RASGRF2: variants seen among roughly 807,000 people sequenced by gnomAD.
RASGRF2 encodes the protein Ras protein specific guanine nucleotide releasing factor 2.
Under a neutral mutation model 151.0 loss-of-function variants are expected in RASGRF2, and 76 were observed. The observed-to-expected ratio is 0.50, with a 90% CI of 0.42 to 0.61. The LOEUF is 0.61. RASGRF2 is among the 20% of genes least tolerant of loss of function. The pLI is 0.00. For synonymous variants in RASGRF2, 504 were observed against 566.5 expected (o/e 0.89, Z 1.57); for missense variants, 1,148 against 1,564.6 (o/e 0.73, Z 4.49).
chr5:81,180,540 A>G (rs968773280), intron 18 of RASGRF2, among the ~76,000 whole-genome samples: 2 of 152,036 alleles, frequency 1.3e-5, no homozygotes, highest in African/African-American at 4.8e-5. Flanking sequence ...TTCTGAGGAA[A>G]CAGCACTCAC....
intron 1 of RASGRF2, chr5:80,998,055 TG>T (rs1748952395): frequency 6.6e-6 from 1 of 151,252 alleles, no homozygotes; most frequent in Non-Finnish European, 1.5e-5. Flanking sequence ...GGAAGATGAG[TG>T]ACATTAGGAA....
chr5:81,077,930 A>G (rs192341556), intron 5 of RASGRF2, among the ~76,000 whole-genome samples: 1 of 152,312 alleles, frequency 6.6e-6, no homozygotes, highest in Non-Finnish European at 1.5e-5. Flanking sequence ...CAGGTTTATC[A>G]TATTGTTTAA....
In RASGRF2 at chr5:81,087,326, A is replaced by G. The variant is rs892910064; in HGVS notation, c.1390+373A>G. ...GCCCAGGAGAAACTTGCGTTGCTCA[A>G]AGCCCTTTCACATAAGACTGGGGAC... On this transcript the variant is annotated intron_variant, in intron 9 of 26. Coordinates refer to ENST00000265080, the MANE Select transcript of RASGRF2 (RefSeq NM_006909.3). The G allele has an allele frequency of 1.4e-5, 10 of 702,956 alleles. No individual in the cohort carries two copies. The African/African-American group carries it at 1.7e-4, about 12-fold the overall frequency. 43.5% of individuals were successfully genotyped at this position (702,956 alleles called of 1,614,324 possible). A position where few individuals can be genotyped will look rare whatever the true frequency, so the allele number is the denominator to read the frequency against.
chr5:81,097,161 A>G (rs538221807), intron 12 of RASGRF2, among the ~76,000 whole-genome samples: 4 of 152,258 alleles, frequency 2.6e-5, no homozygotes, highest in South Asian at 2.1e-4. Context: ...GGGTCTCACC[A>G]TGTTGGCCAG....
At chr5:81,175,654 G>T (rs1010417809) in intron 17 of RASGRF2, among the ~76,000 whole-genome samples, 1 of 151,664 alleles carries the variant, frequency 6.6e-6, no homozygotes, top group African/African-American at 2.4e-5. Flanking sequence ...TACTCAGGAG[G>T]CTGAGGCAGG....
chr5:80,978,804 A>G (rs1017670756), intron 1 of RASGRF2, among the ~76,000 whole-genome samples: 3 of 151,532 alleles, frequency 2.0e-5, no homozygotes, highest in Non-Finnish European at 2.9e-5. Flanking sequence ...AGAAAAAAAA[A>G]GGGGGGGAAA....
chr5:80,973,653 C>T (rs1208345675), intron 1 of RASGRF2, among the ~76,000 whole-genome samples: 1 of 152,152 alleles, frequency 6.6e-6, no homozygotes, highest in African/African-American at 2.4e-5. Flanking sequence ...ATGGTCAGGA[C>T]GGTATCCTGA....
intron 19 of RASGRF2, among the ~76,000 whole-genome samples, chr5:81,201,747 C>T (rs1483934385): frequency 1.3e-5 from 2 of 152,100 alleles, no homozygotes; most frequent in Non-Finnish European, 2.9e-5. Flanking sequence ...CCTGCAAGTC[C>T]GGCAGGCATC....
intron 24 of RASGRF2, chr5:81,217,080 C>A: frequency 2.2e-6 from 1 of 455,234 alleles, no homozygotes; most frequent in South Asian, 1.9e-5. Context: ...TTACTGCTAG[C>A]AAATGCTTTG....
chr5:81,160,536 G>T (rs1754357646), intron 17 of RASGRF2, among the ~76,000 whole-genome samples: 1 of 151,974 alleles, frequency 6.6e-6, no homozygotes, highest in East Asian at 1.9e-4. Context: ...GCCAGGCGTG[G>T]TGGCAGGCGC....
At chr5:80,962,343 G>T (rs1273327431) in intron 1 of RASGRF2, among the ~76,000 whole-genome samples, 1 of 152,168 alleles carries the variant, frequency 6.6e-6, no homozygotes, top group East Asian at 1.9e-4. Flanking sequence ...TAAATTTCAA[G>T]TCATGCATTT....
intron 1 of RASGRF2, among the ~76,000 whole-genome samples, chr5:81,039,417 A>G (rs950679097): frequency 2.0e-5 from 3 of 152,176 alleles, no homozygotes; most frequent in African/African-American, 7.2e-5. Context: ...GAGGGCCACT[A>G]TATCAATAAA....
chr5:81,080,676 C>A lies in RASGRF2; in HGVS notation c.1048C>A (p.Leu350Ile). 1 of 1,614,152 alleles carries A rather than the reference C, an allele frequency of 6.2e-7. No individual in the cohort carries two copies. The highest frequency in any genetic ancestry group is 8.5e-7 in the Non-Finnish European group (1 of 1,179,970). ...VRNHQYSLQVLANCKQNRDFD... is the reference protein window; with the variant it reads ...VRNHQYSLQVIANCKQNRDFD... ...TAATCACCAGTACAGCCTGCAAGTT[C>A]TCGCCAATTGTAAGCAAAACAGAGA... The change falls in exon 7 of 27, where the codon CTC becomes ATC. Residue 350 changes from leucine to isoleucine, a missense_variant. Around this residue, in one of 5 missense-constraint regions of RASGRF2, gnomAD observed 176 missense variants for 309.6 expected, o/e 0.57. Transcript: ENST00000265080.
intron 1 of RASGRF2, among the ~76,000 whole-genome samples, chr5:81,000,060 C>T (rs1219733721): frequency 6.6e-6 from 1 of 152,062 alleles, no homozygotes. Flanking sequence ...TGGGAATGGC[C>T]AGGATTGCAA....
At chr5:81,083,169 C>T (rs1483226715) in intron 7 of RASGRF2, among the ~76,000 whole-genome samples, 8 of 152,136 alleles carry the variant, frequency 5.3e-5, no homozygotes, top group Non-Finnish European at 1.2e-4. Context: ...TTGGAGGGTC[C>T]GGTTGTATCT....
chr5:81,094,485 T>TA, intron 11 of RASGRF2, 123 bp downstream of exon 11: 1 of 910,946 alleles, frequency 1.1e-6, no homozygotes, highest in Non-Finnish European at 1.6e-6. Context: ...TGAGCCTTGT[T>TA]AAACCATCTT....
At chr5:81,089,853 C>A (rs575802825) in intron 9 of RASGRF2, among the ~76,000 whole-genome samples, 1 of 152,288 alleles carries the variant, frequency 6.6e-6, no homozygotes, top group Admixed American at 6.5e-5. Flanking sequence ...AGACTAGTAC[C>A]TGCAAGATTA....
At position 80,960,595 on chromosome 5, in the gene RASGRF2, G is replaced by T; in HGVS notation, c.-144G>T. 1 of 789,008 alleles carries T rather than the reference G, an allele frequency of 1.3e-6. No homozygotes were observed. The highest frequency in any genetic ancestry group is 1.7e-6 in the Non-Finnish European group (1 of 588,918). 48.9% of individuals were successfully genotyped at this position (789,008 alleles called of 1,614,324 possible). A position where few individuals can be genotyped will look rare whatever the true frequency, so the allele number is the denominator to read the frequency against. On this transcript the variant is annotated 5_prime_UTR_variant, in exon 1 of 27. Coordinates refer to ENST00000265080, the MANE Select transcript of RASGRF2 (RefSeq NM_006909.3). The surrounding 1 kb of genome is among the most constrained non-coding windows in gnomAD (Gnocchi z 5.5). The stretch of plus-strand genomic sequence containing the variant: ...CCGCGGCCTCCCGAAAGCGGGCGGG[G>T]TGCCCTGCGCGCGGCGTGGGGAAAG...
At chr5:80,997,035 C>A (rs1748905941) in intron 1 of RASGRF2, 1 of 152,166 alleles carries the variant, frequency 6.6e-6, no homozygotes, top group South Asian at 2.1e-4. Context: ...ACTGAGTCAA[C>A]ATTTTCAGCC....
Sources: gnomAD v4.1 joint callset for allele counts (sites outside exome capture counted in the v4.1 genomes callset) on GRCh38, gnomAD v4.1.1 for gene constraint, gnomAD v4.1.1 regional missense constraint, Gnocchi (gnomAD v3.1) non-coding constraint, MANE v1.5 for transcripts, NCBI Gene and HGNC (gene_info 2026-07-23, HGNC 2026-07-21) for gene names.